CDRT4: variants seen among roughly 807,000 people sequenced by gnomAD.
CDRT4 encodes the protein CMT1A duplicated region transcript 4, also known as CMT1A duplicated region transcript 4 protein.
For synonymous variants in CDRT4, 64 were observed against 69.6 expected, an observed-to-expected ratio of 0.92 and a Z score of 0.40; for missense variants, 167 against 193.1, an observed-to-expected ratio of 0.87 and a Z score of 0.80.
In CDRT4 at chr17:15,464,523, G is replaced by A. The variant is rs1370917844; in HGVS notation, c.-130+2937C>T. Reference sequence around the variant, plus strand: ...TAGATGCTGGGCATTAGCAATCTGAGAGCTGGGTAACAAGTCCTGGGGTGG... The same window carrying A: ...TAGATGCTGGGCATTAGCAATCTGAAAGCTGGGTAACAAGTCCTGGGGTGG... On this transcript the variant is annotated intron_variant, in intron 1 of 3. Coordinates refer to ENST00000619038, the MANE Select transcript of CDRT4 (RefSeq NM_001204477.2). This position sits in a 1 kb window ranked among gnomAD's most constrained non-coding sequence, Gnocchi z 4.5. Among the ~76,000 whole-genome samples the A allele has an allele frequency of 6.6e-6, 1 of 152,064 alleles. No homozygotes were observed. Among genetic ancestry groups the A allele is most frequent in the Non-Finnish European group, 1.5e-5 (1 of 67,996 alleles).
At chr17:15,457,568 C>T (rs1335161714) in intron 1 of CDRT4, among the ~76,000 whole-genome samples, 3 of 152,220 alleles carry the variant, frequency 2.0e-5, no homozygotes, top group Non-Finnish European at 2.9e-5. Flanking sequence ...GTTTCTGTCC[C>T]GTTGGAGCTG....
chr17:15,439,285 T>A (rs1978644832), intron 3 of CDRT4: 1 of 412,982 alleles, frequency 2.4e-6, no homozygotes, highest in South Asian at 1.8e-5. Context: ...AAAAAAAAAA[T>A]GCCGTAAATG....
chr17:15,443,676 T>C (rs1978881340), intron 2 of CDRT4: 1 of 412,198 alleles, frequency 2.4e-6, no homozygotes, highest in Non-Finnish European at 4.6e-6. Context: ...GCTAACATTC[T>C]AGAAAATGTC....
At chr17:15,444,295 A>G in intron 2 of CDRT4, 1 of 489,454 alleles carries the variant, frequency 2.0e-6, no homozygotes, top group Non-Finnish European at 3.7e-6. Flanking sequence ...TTTGGAAAAA[A>G]AATGTCTGGA....
intron 2 of CDRT4, among the ~76,000 whole-genome samples, chr17:15,452,200 G>A (rs1421780495): frequency 6.6e-6 from 1 of 152,218 alleles, no homozygotes; most frequent in African/African-American, 2.4e-5. Context: ...TCCTAGCACT[G>A]CTCTTTACTG....
intron 1 of CDRT4, among the ~76,000 whole-genome samples, chr17:15,459,467 CAG>C (rs1979648388): frequency 8.8e-6 from 1 of 114,284 alleles, no homozygotes; most frequent in Non-Finnish European, 1.7e-5. Flanking sequence ...TTTTGTGAGA[CAG>C]AGTCTCGCTC....
chr17:15,449,777 G>A (rs1979183460), intron 2 of CDRT4, among the ~76,000 whole-genome samples: 2 of 152,140 alleles, frequency 1.3e-5, no homozygotes, highest in South Asian at 2.1e-4. Context: ...TGTACACATC[G>A]TTTACCTCCC....
At chr17:15,455,937 C>T (rs1293878797) in intron 1 of CDRT4, among the ~76,000 whole-genome samples, 2 of 152,162 alleles carry the variant, frequency 1.3e-5, no homozygotes, top group African/African-American at 2.4e-5. Context: ...ACTGAGATAA[C>T]AAATATTTGT....
chr17:15,444,498 T>C (rs1219403058), intron 2 of CDRT4, among the ~76,000 whole-genome samples: 4 of 152,156 alleles, frequency 2.6e-5, no homozygotes, highest in Middle Eastern at 3.2e-3. Flanking sequence ...GGAACTGCTG[T>C]TCTAGAATCT....
intron 1 of CDRT4, 77 bp from the exon 2 acceptor site, chr17:15,453,162 G>A (rs1979337663): frequency 6.6e-6 from 1 of 152,182 alleles, no homozygotes; most frequent in Admixed American, 6.5e-5. Flanking sequence ...TTTGGGAGTG[G>A]AGGGAGAATT....
At chr17:15,460,803 G>A (rs1415271837) in intron 1 of CDRT4, among the ~76,000 whole-genome samples, 4 of 152,078 alleles carry the variant, frequency 2.6e-5, no homozygotes, top group Admixed American at 2.6e-4. Context: ...CCCTTGGGAT[G>A]AAATCCAAAC....
At chr17:15,443,938 T>C (rs1978896874) in intron 2 of CDRT4, 74 of 667,830 alleles carry the variant, frequency 1.1e-4, no homozygotes, top group South Asian at 1.0e-3. Flanking sequence ...AATGTTGTTA[T>C]CCAGGAGAAT....
chr17:15,451,341 C>T (rs545903547), intron 2 of CDRT4, among the ~76,000 whole-genome samples: 15 of 152,304 alleles, frequency 9.8e-5, no homozygotes, highest in African/African-American at 3.6e-4. Context: ...TTATAAATTA[C>T]CCAGTCTCGG....
chr17:15,456,005 G>T (rs2150795419), intron 1 of CDRT4, among the ~76,000 whole-genome samples: 1 of 152,218 alleles, frequency 6.6e-6, no homozygotes, highest in East Asian at 1.9e-4. Context: ...CCAATAAAAA[G>T]CCCCTAGCAG....
rs1978541877 is a variant in CDRT4 at position 15,437,436 on chromosome 17, A to G, written c.*337T>C. 3 of 338,908 alleles carry G rather than the reference A, an allele frequency of 8.9e-6. No homozygotes were observed. The highest frequency in any genetic ancestry group is 8.1e-5 in the South Asian group (2 of 24,822). 21.0% of individuals were successfully genotyped at this position (338,908 alleles called of 1,614,324 possible). On this transcript the variant is annotated 3_prime_UTR_variant, in exon 4 of 4. Coordinates refer to ENST00000619038, the MANE Select transcript of CDRT4 (RefSeq NM_001204477.2). ...ACTGTCACCTGGTTAATCATTCTTT[A>G]TATTATCTCTAATAAAAGAGCTTGT...
At chr17:15,463,677 C>T (rs1979861727) in intron 1 of CDRT4, among the ~76,000 whole-genome samples, 1 of 152,128 alleles carries the variant, frequency 6.6e-6, no homozygotes, top group Non-Finnish European at 1.5e-5. Context: ...GCCCTCTCTG[C>T]GGTGGGCTCT....
chr17:15,443,815 C>A, intron 2 of CDRT4: 14 of 545,948 alleles, frequency 2.6e-5, no homozygotes, highest in South Asian at 1.9e-4. Context: ...GGTGGGGTAA[C>A]GGAAAGGAAC....
chr17:15,448,890 C>T (rs2906982), intron 2 of CDRT4, among the ~76,000 whole-genome samples: 23,612 of 152,150 alleles, frequency 0.16, 3,239 homozygotes, highest in East Asian at 0.47. Context: ...TTCATTGTCT[C>T]CTGAATGATC....
In CDRT4 at chr17:15,450,184, T is replaced by A. The variant is rs148845874; in HGVS notation, c.-48+2820A>T. ...TTTTATATTCCCACCAAGCAACTAT[T>A]TCAAACCTCCTCTTCACCTCCTTCT... On this transcript the variant is annotated intron_variant, in intron 2 of 3. Transcript: ENST00000619038. The surrounding 1 kb of genome is among the most constrained non-coding windows in gnomAD (Gnocchi z 4.2). Among the ~76,000 whole-genome samples, 1,321 of 152,306 alleles carry A rather than the reference T, an allele frequency of 8.7e-3. 17 individuals carry two copies. Among genetic ancestry groups the A allele is most frequent in the African/African-American group, 0.031 (1,268 of 41,560 alleles).
Sources: gnomAD v4.1 joint callset for allele counts (sites outside exome capture counted in the v4.1 genomes callset) on GRCh38, gnomAD v4.1.1 for gene constraint, Gnocchi (gnomAD v3.1) non-coding constraint, MANE v1.5 for transcripts, NCBI Gene and HGNC (gene_info 2026-07-23, HGNC 2026-07-21) for gene names.